VWA3A: variants seen among roughly 807,000 people sequenced by gnomAD.
The protein encoded by VWA3A is von Willebrand factor A domain-containing protein 3A.
Under a neutral mutation model 160.4 loss-of-function variants are expected in VWA3A, and 134 were observed. The ratio of observed to expected loss-of-function variants is 0.84; its 90% CI spans 0.73 to 0.96. VWA3A has a LOEUF of 0.96. Among genes scored for constraint, VWA3A ranks in the 40% least tolerant of loss-of-function variants. VWA3A has a pLI of 0.00. For synonymous variants in VWA3A, 476 were observed against 543.4 expected (o/e 0.88, Z 1.72); for missense variants, 1,310 against 1,447.9 (o/e 0.90, Z 1.55).
rs763567309 is a variant in VWA3A, at chr16:22,131,742, C to T, written c.1872+13C>T. The stretch of plus-strand genomic sequence containing the variant: ...CGACCAGGACATGGTGGGTAGGCCA[C>T]GTCCTGGGTGTCCATTATCCTTTGC... On this transcript the variant is annotated intron_variant, in intron 19 of 33. Transcript: ENST00000389398. 1.2e-5 allele frequency: 19 copies of T among 1,609,590 alleles called. No homozygotes were observed. Among genetic ancestry groups the T allele is most frequent in the South Asian group, 6.6e-5 (6 of 90,378 alleles).
At chr16:22,149,645 G>C (rs905581603) in intron 28 of VWA3A, 142 bp from the exon 29 acceptor site, 4 of 1,046,288 alleles carry the variant, frequency 3.8e-6, no homozygotes, top group Non-Finnish European at 5.1e-6. Context: ...GGGGCCACAG[G>C]GCTCGTTGTA....
chr16:22,131,225 G>C lies in VWA3A; in HGVS notation c.1673G>C (p.Ser558Thr). 1 of 1,613,980 alleles carries C rather than the reference G, an allele frequency of 6.2e-7. No homozygotes were observed. Among genetic ancestry groups the C allele is most frequent in the Non-Finnish European group, 8.5e-7 (1 of 1,179,884 alleles). ...TAAAGGTTTGGAAGCACAATTGAAA[G>C]CTGGAGGCCTGAGATGGTTCCCGTG... is the stretch of plus-strand genomic sequence containing the variant. ...NLIAFGSTIE[S>T]WRPEMVPVSH... The change falls in exon 18 of 34, where the codon AGC becomes ACC. Residue 558 changes from serine (S) to threonine (T), a missense_variant. By Grantham distance (58) the Ser-to-Thr change is moderately conservative. Transcript: ENST00000389398.
rs1197291814 is a variant in VWA3A at position 22,131,332 on chromosome 16, G to A, written c.1727+53G>A. On this transcript the variant is annotated intron_variant, in intron 18 of 33. Coordinates refer to ENST00000389398, the MANE Select transcript of VWA3A (RefSeq NM_173615.5). ...GCTGTGTCTGAGGGAAGGTTTGCAG[G>A]CATTGTTTTCTCTGTCCCCCTCTCC... 4 of 1,592,940 alleles carry A rather than the reference G, an allele frequency of 2.5e-6. No homozygotes were observed. In the Admixed American group the frequency reaches 6.9e-5, roughly 27 times the overall value.
chr16:22,122,701 C>G (rs79858823), intron 14 of VWA3A, among the ~76,000 whole-genome samples: 5 of 152,128 alleles, frequency 3.3e-5, no homozygotes, highest in African/African-American at 1.2e-4. Context: ...GTTCCCAAAC[C>G]TAAGAAGCTA....
At chr16:22,136,630 C>T (rs2046045417) in intron 21 of VWA3A, among the ~76,000 whole-genome samples, 2 of 152,026 alleles carry the variant, frequency 1.3e-5, no homozygotes, top group African/African-American at 4.8e-5. Context: ...GAGGGCAGGG[C>T]CACGTCTCCA....
chr16:22,148,258 CAG>C lies in VWA3A; in HGVS notation c.2939_2940del (p.Glu980AlafsTer14), dbSNP rs1285123595. On this transcript the variant is annotated frameshift_variant, in exon 28 of 34. Transcript: ENST00000389398. LOFTEE classifies it high-confidence loss of function. Reference sequence around the variant, plus strand: ...GGCCCCTACCTGCAGCAGGTGAAGACAGAGCTGGTTTTGCTGATTTGGGAACA... The same window carrying C: ...GGCCCCTACCTGCAGCAGGTGAAGACAGCTGGTTTTGCTGATTTGGGAACA... 1.3e-6 allele frequency: 2 copies of C among 1,598,054 alleles called. No homozygotes were observed.
At chr16:22,092,952 T>C (rs543115222) in intron 1 of VWA3A, among the ~76,000 whole-genome samples, 1 of 151,654 alleles carries the variant, frequency 6.6e-6, no homozygotes, top group South Asian at 2.1e-4. Flanking sequence ...GAAAGACTCC[T>C]ATTATTATTA....
rs1368366827 is a variant in VWA3A at position 22,138,341 on chromosome 16, C to T, written c.2140-19C>T. On this transcript the variant is annotated intron_variant, in intron 21 of 33. Coordinates refer to ENST00000389398, the MANE Select transcript of VWA3A (RefSeq NM_173615.5). ...CACAGTGGCTGGGGGTGCCACTGAC[C>T]CTCCCAATCCCACTGCAGTGTGCCT... 5 of 1,568,966 alleles carry T rather than the reference C, an allele frequency of 3.2e-6. No individual in the cohort carries two copies. The highest frequency in any genetic ancestry group is 4.3e-6 in the Non-Finnish European group (5 of 1,157,848).
chr16:22,131,680 A>C lies in VWA3A; in HGVS notation c.1823A>C (p.Gln608Pro), dbSNP rs750975351. The change falls in exon 19 of 34, where the codon CAA becomes CCA. Residue 608 changes from glutamine (Q) to proline (P), a missense_variant. Coordinates refer to ENST00000389398, the MANE Select transcript of VWA3A (RefSeq NM_173615.5). ...GACTTCAAGGACAAAGACAAACACC[A>C]ATCGCAGGGAATCTACCTCTTCACT... The part of the protein sequence containing the change: ...EVDFKDKDKH[Q>P]SQGIYLFTGG... The C allele has an allele frequency of 1.2e-6, 2 of 1,614,006 alleles. No homozygotes were observed. Among genetic ancestry groups the C allele is most frequent in the Non-Finnish European group, 1.7e-6 (2 of 1,179,876 alleles).
chr16:22,105,245 T>C (rs1046793395), intron 6 of VWA3A, among the ~76,000 whole-genome samples: 13 of 152,162 alleles, frequency 8.5e-5, no homozygotes, highest in African/African-American at 2.9e-4. Flanking sequence ...CTCGCACCTT[T>C]GTCAAAGTGG....
intron 21 of VWA3A, 142 bp downstream of exon 21, chr16:22,134,580 TGTCA>T: frequency 1.4e-6 from 1 of 703,140 alleles, no homozygotes; most frequent in East Asian, 2.9e-5. Flanking sequence ...GAAATCAAGG[TGTCA>T]GCAGGGCCAG....
At chr16:22,144,475 TCTGCTTGTAGGAA>T (rs2046212626) in intron 26 of VWA3A, 91 bp downstream of exon 26, 1 of 1,509,956 alleles carries the variant, frequency 6.6e-7, no homozygotes, top group Admixed American at 2.3e-5. Context: ...GGCCTCTATT[TCTGCTTGTAGGAA>T]CTGCCCTCCT....
At chr16:22,134,339 A>G in intron 20 of VWA3A, 29 bp from the exon 21 acceptor site, 1 of 1,574,304 alleles carries the variant, frequency 6.4e-7, no homozygotes, top group Non-Finnish European at 8.6e-7. Flanking sequence ...ACCCTGTCTC[A>G]CCTTGCTCAC....
At chr16:22,115,899 AAGG>A (rs1567202943) in intron 9 of VWA3A, among the ~76,000 whole-genome samples, 69 of 34,236 alleles carry the variant, frequency 2.0e-3, no homozygotes, top group Middle Eastern at 0.014. Flanking sequence ...GGAAGGAAGG[AAGG>A]AAGGAAGGAA....
In VWA3A at chr16:22,115,432, C is replaced by T. The variant is rs1437200196; in HGVS notation, c.775C>T (p.Leu259Phe). 1 of 1,607,918 alleles carries T rather than the reference C, an allele frequency of 6.2e-7. No individual in the cohort carries two copies. Among genetic ancestry groups the T allele is most frequent in the East Asian group, 2.2e-5 (1 of 44,760 alleles). Residue 259 changes from leucine (L) to phenylalanine (F), a missense_variant, in exon 9 of 34, where the codon CTC (leucine) becomes TTC (phenylalanine). Transcript: ENST00000389398. ...LLQALKKIFT[L>F]KGLDSLVAIM... ...ACAAGCTCTGAAGAAGATCTTCACT[C>T]TCAAGGGACTGGATTCCCTGGTGGC...
chr16:22,148,692 G>A (rs939326439), intron 28 of VWA3A, among the ~76,000 whole-genome samples: 1 of 152,026 alleles, frequency 6.6e-6, no homozygotes, highest in South Asian at 2.1e-4. Flanking sequence ...GATCACTTGA[G>A]CCCAGGAGGT....
rs768552565 is a variant in VWA3A, at chr16:22,131,309, T to C, written c.1727+30T>C. 4 of 1,611,116 alleles carry C rather than the reference T, an allele frequency of 2.5e-6. No homozygotes were observed. The Admixed American group carries it at 6.7e-5, about 27-fold the overall frequency. On this transcript the variant is annotated intron_variant, in intron 18 of 33. Coordinates refer to ENST00000389398, the MANE Select transcript of VWA3A (RefSeq NM_173615.5). ...GTTATGGGCAGAGACTTCGTGGGGC[T>C]GTGTCTGAGGGAAGGTTTGCAGGCA... is the stretch of plus-strand genomic sequence containing the variant.
intron 28 of VWA3A, 31 bp from the exon 29 acceptor site, chr16:22,149,756 G>A: frequency 6.4e-7 from 1 of 1,571,278 alleles, no homozygotes; most frequent in Non-Finnish European, 8.7e-7. Context: ...CCCCTTCTCT[G>A]CCCCTCACCT....
intron 27 of VWA3A, 61 bp downstream of exon 27, chr16:22,146,405 C>G: frequency 3.5e-6 from 5 of 1,442,628 alleles, no homozygotes; most frequent in Non-Finnish European, 3.8e-6. Context: ...AGGCTAGCCC[C>G]AGGGACCCCA....
Sources: gnomAD v4.1 joint callset for allele counts (sites outside exome capture counted in the v4.1 genomes callset) on GRCh38, gnomAD v4.1.1 for gene constraint, MANE v1.5 for transcripts, NCBI Gene and HGNC (gene_info 2026-07-23, HGNC 2026-07-21) for gene names.